The following SLC22A4 variants were observed in gnomAD, a reference collection of about 807,000 sequenced individuals.
SLC22A4 encodes the protein solute carrier family 22 member 4, also known as ET transporter.
In SLC22A4, 39 loss-of-function variants were observed where a neutral mutation model predicts 56.6. That is an observed-to-expected ratio of 0.69 (90% CI 0.53 to 0.90). The LOEUF is 0.90. Among genes scored for constraint, SLC22A4 ranks in the 40% least tolerant of loss-of-function variants. SLC22A4 has a pLI of 0.00. For missense variants in SLC22A4, 594 were observed against 696.5 expected (o/e 0.85, Z 1.66); for synonymous variants, 241 against 281.4 (o/e 0.86, Z 1.44).
At chr5:132,333,335 G>A (rs1173807933) in intron 6 of SLC22A4, among the ~76,000 whole-genome samples, 2 of 152,184 alleles carry the variant, frequency 1.3e-5, no homozygotes, top group Non-Finnish European at 1.5e-5. Context: ...GAAAGGTATC[G>A]GCTTCCTGCC....
chr5:132,343,665 T>C (rs1359076550), intron 9 of SLC22A4, 95 bp from the exon 10 acceptor site: 6 of 764,306 alleles, frequency 7.9e-6, no homozygotes, highest in African/African-American at 5.3e-5. Flanking sequence ...TGTTCATTGA[T>C]TGGAGAAATA....
At chr5:132,327,154 G>A in intron 4 of SLC22A4, 123 bp from the exon 5 acceptor site, 1 of 718,852 alleles carries the variant, frequency 1.4e-6, no homozygotes, top group Non-Finnish European at 2.3e-6. Context: ...ATCTTATGTG[G>A]ACTCCCTTTA....
intron 1 of SLC22A4, among the ~76,000 whole-genome samples, chr5:132,306,429 ATATATATATATATAGTT>A (rs1474652732): frequency 1.2e-3 from 84 of 69,350 alleles, no homozygotes; most frequent in African/African-American, 6.0e-3. Context: ...ATATATATAT[ATATATATATATATAGTT>A]GTTGTTGTTG....
chr5:132,311,837 G>GC (rs1750188444), intron 1 of SLC22A4: 1 of 444,296 alleles, frequency 2.3e-6, no homozygotes, highest in Non-Finnish European at 4.2e-6. Flanking sequence ...CTGCCTCACA[G>GC]CTGAGGGGTC....
chr5:132,302,154 G>T (rs929809899), intron 1 of SLC22A4, among the ~76,000 whole-genome samples: 4 of 152,104 alleles, frequency 2.6e-5, no homozygotes, highest in African/African-American at 9.7e-5. Context: ...GTGTTCCTCT[G>T]ACAACAGCCA....
chr5:132,303,181 A>C (rs1749944727), intron 1 of SLC22A4, among the ~76,000 whole-genome samples: 1 of 152,236 alleles, frequency 6.6e-6, no homozygotes. Context: ...GTTTTGCCAA[A>C]GAAATACAAA....
chr5:132,328,903 G>GTGTATATATATATA (rs1180080096), intron 5 of SLC22A4, among the ~76,000 whole-genome samples: 2 of 96,444 alleles, frequency 2.1e-5, no homozygotes, highest in African/African-American at 9.9e-5. Context: ...GTGTGTATGT[G>GTGTATATATATATA]TATATATATA....
chr5:132,306,443 AGT>A (rs1750042548), intron 1 of SLC22A4, among the ~76,000 whole-genome samples: 1 of 58,206 alleles, frequency 1.7e-5, no homozygotes, highest in African/African-American at 6.8e-5. Context: ...ATATATATAT[AGT>A]TGTTGTTGTT....
intron 3 of SLC22A4, among the ~76,000 whole-genome samples, chr5:132,318,974 A>C (rs1750443705): frequency 6.6e-6 from 1 of 152,164 alleles, no homozygotes; most frequent in Non-Finnish European, 1.5e-5. Flanking sequence ...CTGTGTAATC[A>C]GGGTTCTCTC....
intron 2 of SLC22A4, 37 bp from the exon 3 acceptor site, chr5:132,313,577 A>G (rs1309691329): frequency 6.2e-7 from 1 of 1,608,638 alleles, no homozygotes; most frequent in East Asian, 2.2e-5. Context: ...TTGGCAACCT[A>G]CACATCTCAT....
intron 4 of SLC22A4, among the ~76,000 whole-genome samples, chr5:132,324,049 G>T (rs573591769): frequency 2.0e-5 from 3 of 152,204 alleles, no homozygotes; most frequent in Non-Finnish European, 4.4e-5. Context: ...AAAATTAGCT[G>T]GGTGCAGTGG....
intron 3 of SLC22A4, among the ~76,000 whole-genome samples, chr5:132,314,421 A>G (rs1046506767): frequency 1.3e-5 from 2 of 152,186 alleles, no homozygotes; most frequent in Non-Finnish European, 2.9e-5. Flanking sequence ...GAGTTAGGTG[A>G]GCTCCAGGCG....
Position 132,322,372 on chromosome 5 carries a change from C to T in SLC22A4, c.824+17C>T. The T allele has an allele frequency of 1.2e-6, 2 of 1,611,378 alleles. No homozygotes were observed. The highest frequency in any genetic ancestry group is 2.7e-5 in the African/African-American group (2 of 74,942). On this transcript the variant is annotated intron_variant, in intron 4 of 9. Coordinates refer to ENST00000200652, the MANE Select transcript of SLC22A4 (RefSeq NM_003059.3). ...GCTGTGGTGGTGAGTGTGACTCGTC[C>T]CCAGACAGGCCCTCTGCTGCGGGTC...
Position 132,313,597 on chromosome 5 carries a change from T to A in SLC22A4, c.498-17T>A. ...AACCTACACATCTCATGTTTTGTGT[T>A]ATACTGCATTCTCTAGGTTTGGCAG... On this transcript the variant is annotated splice_polypyrimidine_tract_variant and intron_variant, in intron 2 of 9. Transcript: ENST00000200652. The A allele has an allele frequency of 6.2e-7, 1 of 1,613,776 alleles. No individual in the cohort carries two copies. Among genetic ancestry groups the A allele is most frequent in the East Asian group, 2.2e-5 (1 of 44,888 alleles).
At chr5:132,306,383 AAATATATAT>A (rs1750030016) in intron 1 of SLC22A4, among the ~76,000 whole-genome samples, 1 of 81,396 alleles carries the variant, frequency 1.2e-5, no homozygotes, top group Admixed American at 1.5e-4. Flanking sequence ...CCAAACCGTG[AAATATATAT>A]ATATATATAT....
chr5:132,295,035 C>G (rs1749746276), intron 1 of SLC22A4, 26 bp downstream of exon 1: 13 of 1,592,376 alleles, frequency 8.2e-6, no homozygotes, highest in Non-Finnish European at 9.4e-6. Context: ...AGACCGTTGA[C>G]CCGGGAGTGC....
chr5:132,334,049 T>C (rs1373967638), intron 6 of SLC22A4, among the ~76,000 whole-genome samples: 1 of 152,180 alleles, frequency 6.6e-6, no homozygotes, highest in Non-Finnish European at 1.5e-5. Context: ...CCTCAGGTGA[T>C]TTGCCTGCCT....
At chr5:132,312,087 T>C in intron 1 of SLC22A4, 74 bp from the exon 2 acceptor site, 1 of 891,610 alleles carries the variant, frequency 1.1e-6, no homozygotes, top group Non-Finnish European at 1.9e-6. Flanking sequence ...CGTGCTAATA[T>C]TCCCTCAGAG....
chr5:132,317,583 C>T (rs908695485), intron 3 of SLC22A4, among the ~76,000 whole-genome samples: 3 of 152,186 alleles, frequency 2.0e-5, no homozygotes, highest in East Asian at 1.9e-4. Flanking sequence ...TACTTTGGGG[C>T]TGTTATGAAT....
Sources: gnomAD v4.1 joint callset for allele counts (sites outside exome capture counted in the v4.1 genomes callset) on GRCh38, gnomAD v4.1.1 for gene constraint, MANE v1.5 for transcripts, NCBI Gene and HGNC (gene_info 2026-07-23, HGNC 2026-07-21) for gene names.